Variants in CAPN13 observed in about 807,000 individuals in gnomAD.
The protein encoded by CAPN13 is calpain 13, also known as calpain-13.
Under a neutral mutation model 98.4 loss-of-function variants are expected in CAPN13, and 90 were observed. That is an observed-to-expected ratio of 0.92 (90% CI 0.77 to 1.09). The LOEUF is 1.09. Among genes scored for constraint, CAPN13 ranks in the 50% least tolerant of loss-of-function variants. The pLI is 0.00. For synonymous variants in CAPN13, 330 were observed against 305.5 expected, an observed-to-expected ratio of 1.08 and a Z score of -0.84; for missense variants, 887 against 841.3, an observed-to-expected ratio of 1.05 and a Z score of -0.67.
At chr2:30,768,646 ATT>A (rs1440808933) in intron 5 of CAPN13, among the ~76,000 whole-genome samples, 6 of 143,322 alleles carry the variant, frequency 4.2e-5, no homozygotes, top group Non-Finnish European at 8.9e-5. Context: ...CTTTTTTTAA[ATT>A]TGTTTCATTT....
chr2:30,783,596 G>A (rs1432871907), intron 2 of CAPN13, among the ~76,000 whole-genome samples: 2 of 152,208 alleles, frequency 1.3e-5, no homozygotes, highest in Admixed American at 6.5e-5. Flanking sequence ...TCTGCACCAG[G>A]CATAGAAAGC....
At chr2:30,745,788 G>T in intron 11 of CAPN13, 54 bp from the exon 12 acceptor site, 2 of 1,546,698 alleles carry the variant, frequency 1.3e-6, no homozygotes, top group Non-Finnish European at 1.8e-6. Flanking sequence ...AAACAAAAAG[G>T]CAAGCAGAAC....
At chr2:30,794,918 G>T (rs1250578778) in intron 1 of CAPN13, among the ~76,000 whole-genome samples, 2 of 151,752 alleles carry the variant, frequency 1.3e-5, no homozygotes, top group Non-Finnish European at 3.0e-5. Flanking sequence ...ACTTTTGGGG[G>T]TGATAGAAAT....
intron 18 of CAPN13, among the ~76,000 whole-genome samples, chr2:30,736,080 C>T (rs916265179): frequency 8.5e-5 from 13 of 152,128 alleles, no homozygotes; most frequent in African/African-American, 2.9e-4. Context: ...GCGTGCCACT[C>T]TGAGGGCTTA....
chr2:30,731,580 G>A (rs961870370), intron 20 of CAPN13, among the ~76,000 whole-genome samples, 181 bp from the exon 21 acceptor site: 1 of 152,140 alleles, frequency 6.6e-6, no homozygotes, highest in Non-Finnish European at 1.5e-5. Context: ...TGCACGGGGC[G>A]AGTGGCTCAG....
chr2:30,797,544 T>C (rs1674948238), intron 1 of CAPN13, among the ~76,000 whole-genome samples: 1 of 152,098 alleles, frequency 6.6e-6, no homozygotes, highest in South Asian at 2.1e-4. Context: ...CGGATATTAA[T>C]TGAGAAGATT....
At chr2:30,787,458 A>G in intron 1 of CAPN13, 101 bp from the exon 2 acceptor site, 1 of 841,536 alleles carries the variant, frequency 1.2e-6, no homozygotes, top group Non-Finnish European at 1.8e-6. Context: ...CACCCTTTAC[A>G]GGGACTGAGA....
In CAPN13 at chr2:30,743,325, A is replaced by C. The variant is rs1230118693; in HGVS notation, c.1445+58T>G. The C allele has an allele frequency of 7.0e-6, 10 of 1,437,890 alleles. No homozygotes were observed. In the Admixed American group the frequency reaches 1.3e-4, roughly 19 times the overall value. 89.1% of individuals were successfully genotyped at this position (1,437,890 alleles called of 1,614,324 possible). ...ACAGAGAACTGCCCATAATTACACA[A>C]TGTGTTTTTATAAAGTTAAGTAGAA... On this transcript the variant is annotated intron_variant, in intron 13 of 22. Coordinates refer to ENST00000295055, the MANE Select transcript of CAPN13 (RefSeq NM_144575.3).
intron 5 of CAPN13, among the ~76,000 whole-genome samples, chr2:30,768,426 G>GGGA (rs1673217365): frequency 2.0e-5 from 3 of 152,160 alleles, no homozygotes; most frequent in African/African-American, 7.2e-5. Flanking sequence ...GTGACTGGGT[G>GGGA]GGAGGAGGAG....
At chr2:30,774,312 T>G (rs1202301901) in intron 4 of CAPN13, among the ~76,000 whole-genome samples, 1 of 151,546 alleles carries the variant, frequency 6.6e-6, no homozygotes, top group Non-Finnish European at 1.5e-5. Context: ...AGTTATATAG[T>G]AAACAAAACC....
intron 2 of CAPN13, among the ~76,000 whole-genome samples, chr2:30,783,929 C>T (rs1674124119): frequency 6.6e-6 from 1 of 151,990 alleles, no homozygotes; most frequent in Non-Finnish European, 1.5e-5. Context: ...GCCTGTAATC[C>T]CAGCACTTTG....
At chr2:30,799,136 G>A (rs1383678510) in intron 1 of CAPN13, among the ~76,000 whole-genome samples, 3 of 151,968 alleles carry the variant, frequency 2.0e-5, no homozygotes, top group African/African-American at 7.3e-5. Flanking sequence ...GCAAAAGAAG[G>A]GGGTAAGAAG....
chr2:30,802,863 A>G (rs1030365359), intron 1 of CAPN13, among the ~76,000 whole-genome samples: 5 of 152,212 alleles, frequency 3.3e-5, no homozygotes, highest in African/African-American at 1.2e-4. Context: ...CAGAACAGGC[A>G]GGGAGCTGTG....
At chr2:30,779,790 C>T (rs1673894977) in intron 2 of CAPN13, among the ~76,000 whole-genome samples, 1 of 151,942 alleles carries the variant, frequency 6.6e-6, no homozygotes, top group South Asian at 2.1e-4. Context: ...ACCAGAAAAA[C>T]AGCAAGATTA....
intron 11 of CAPN13, among the ~76,000 whole-genome samples, chr2:30,750,073 CA>C (rs1672098658): frequency 6.6e-6 from 1 of 152,250 alleles, no homozygotes; most frequent in South Asian, 2.1e-4. Context: ...GCCCATCCAT[CA>C]ATGACAGATT....
At chr2:30,737,406 G>A (rs1431116862) in intron 17 of CAPN13, 2 of 152,492 alleles carry the variant, frequency 1.3e-5, no homozygotes, top group Non-Finnish European at 2.9e-5. Flanking sequence ...GGCAGCATCT[G>A]GGGGTCTACA....
At chr2:30,761,400 C>T (rs1043978831) in intron 7 of CAPN13, among the ~76,000 whole-genome samples, 2 of 152,144 alleles carry the variant, frequency 1.3e-5, no homozygotes, top group African/African-American at 4.8e-5. Context: ...GGCAGCTGAG[C>T]CCACACTTGG....
chr2:30,765,282 G>A (rs6747327), intron 5 of CAPN13, among the ~76,000 whole-genome samples: 89,335 of 152,024 alleles, frequency 0.59, 26,710 homozygotes, highest in South Asian at 0.64. Context: ...CAAGCTCACA[G>A]AGGATATGGA....
At chr2:30,806,556 A>G (rs1030143592) in intron 1 of CAPN13, among the ~76,000 whole-genome samples, 1 of 152,234 alleles carries the variant, frequency 6.6e-6, no homozygotes, top group African/African-American at 2.4e-5. Flanking sequence ...GACAAATGGG[A>G]CAGTCAGTAG....
Sources: gnomAD v4.1 joint callset for allele counts (sites outside exome capture counted in the v4.1 genomes callset) on GRCh38, gnomAD v4.1.1 for gene constraint, MANE v1.5 for transcripts, NCBI Gene and HGNC (gene_info 2026-07-23, HGNC 2026-07-21) for gene names.